Variants in PIK3R3 observed in about 807,000 individuals in gnomAD.
PIK3R3 encodes phosphatidylinositol 3-kinase regulatory subunit gamma.
Under a neutral mutation model 62.9 loss-of-function variants are expected in PIK3R3, and 64 were observed. That is an observed-to-expected ratio of 1.02 (90% CI 0.83 to 1.25). PIK3R3 has a LOEUF of 1.25. Among genes scored for constraint, PIK3R3 ranks in the 50% most tolerant of loss-of-function variants. PIK3R3 has a pLI of 0.00. For synonymous variants in PIK3R3, 165 were observed against 189.0 expected (o/e 0.87, Z 1.04); for missense variants, 614 against 561.6 (o/e 1.09, Z -0.94).
chr1:46,131,867 T>TA lies in PIK3R3; in HGVS notation c.85dup (p.Tyr29LeufsTer3), dbSNP rs1239267484. 1.2e-6 allele frequency: 2 copies of TA among 1,612,802 alleles called. No individual in the cohort carries two copies. The highest frequency in any genetic ancestry group is 1.7e-6 in the Non-Finnish European group (2 of 1,179,194). On this transcript the variant is annotated frameshift_variant, in exon 1 of 10. Coordinates refer to ENST00000262741, the MANE Select transcript of PIK3R3 (RefSeq NM_003629.4). LOFTEE classifies it high-confidence loss of function. ...AGTACCTGGAGGATCCATTTCAATA[T>TA]AAAATATCAGTTCTGTCGAATAGGG...
At chr1:46,128,765 G>T (rs1294881569) in intron 1 of PIK3R3, among the ~76,000 whole-genome samples, 1 of 152,190 alleles carries the variant, frequency 6.6e-6, no homozygotes, top group Non-Finnish European at 1.5e-5. Context: ...AGACAGAATG[G>T]AAAAAATTTC....
the PIK3R3 span, among the ~76,000 whole-genome samples, chr1:46,161,807 T>G: frequency 6.6e-6 from 1 of 152,296 alleles, no homozygotes; most frequent in African/African-American, 2.4e-5. Context: ...AAAGATTTTC[T>G]TCAGGCCAGG....
chr1:46,139,399 C>T, the PIK3R3 span, among the ~76,000 whole-genome samples: 20 of 152,070 alleles, frequency 1.3e-4, no homozygotes, highest in East Asian at 2.1e-3. Flanking sequence ...TCTGCCTCCC[C>T]GGTTCAAGCA....
chr1:46,040,510 T>C lies in PIK3R3; in HGVS notation c.*3163A>G, dbSNP rs1016997904. On this transcript the variant is annotated 3_prime_UTR_variant, in exon 10 of 10. Transcript: ENST00000262741. ...AGGAAACGAGGTTGTTTGCCACAAG[T>C]GGCTGGAGCTAAAGCAGGTTTGAGC... 6 of 228,602 alleles carry C rather than the reference T, an allele frequency of 2.6e-5. No homozygotes were observed. The highest frequency in any genetic ancestry group is 3.5e-5 in the Non-Finnish European group (4 of 115,242). 14.2% of individuals were successfully genotyped at this position (228,602 alleles called of 1,614,324 possible). A position where few individuals can be genotyped will look rare whatever the true frequency, so the allele number is the denominator to read the frequency against.
chr1:46,047,437 CAA>C (rs766324030), intron 7 of PIK3R3, among the ~76,000 whole-genome samples: 3 of 60,952 alleles, frequency 4.9e-5, no homozygotes. Context: ...GACTCCATCT[CAA>C]AAAAAAAAAA....
chr1:46,133,858 A>G (rs1437976804), upstream of PIK3R3, among the ~76,000 whole-genome samples: 2 of 152,066 alleles, frequency 1.3e-5, no homozygotes, highest in Admixed American at 6.5e-5. Context: ...AATTTCTAAG[A>G]TAAGTCACAG....
At chr1:46,045,757 T>C (rs1647098586) in intron 9 of PIK3R3, among the ~76,000 whole-genome samples, 161 bp downstream of exon 9, 1 of 151,706 alleles carries the variant, frequency 6.6e-6, no homozygotes, top group South Asian at 2.1e-4. Context: ...TCAGATATCA[T>C]TTCTCATAAA....
intron 8 of PIK3R3, 25 bp from the exon 9 acceptor site, chr1:46,046,113 A>T (rs1372861937): frequency 7.3e-7 from 1 of 1,363,330 alleles, no homozygotes; most frequent in Non-Finnish European, 1.0e-6. Context: ...TTAGTATATT[A>T]TTCTAACAAG....
At chr1:46,146,219 C>T in the PIK3R3 span, among the ~76,000 whole-genome samples, 1 of 152,184 alleles carries the variant, frequency 6.6e-6, no homozygotes, top group Non-Finnish European at 1.5e-5. Flanking sequence ...CCCCAAAGAT[C>T]CCAGAGTAGT....
chr1:46,089,546 T>A (rs1651410639), intron 1 of PIK3R3, among the ~76,000 whole-genome samples: 1 of 152,014 alleles, frequency 6.6e-6, no homozygotes, highest in Non-Finnish European at 1.5e-5. Flanking sequence ...AAACCCCATC[T>A]CTACTAAAAA....
chr1:46,105,549 C>T (rs72677545), intron 1 of PIK3R3, among the ~76,000 whole-genome samples: 31,032 of 151,952 alleles, frequency 0.2, 3,636 homozygotes, highest in Non-Finnish European at 0.26. Flanking sequence ...GAAACAGTGG[C>T]TCATGCCTAT....
At chr1:46,118,426 T>C (rs1481542105) in intron 1 of PIK3R3, among the ~76,000 whole-genome samples, 2 of 152,150 alleles carry the variant, frequency 1.3e-5, no homozygotes, top group Non-Finnish European at 2.9e-5. Context: ...CCAAGAATCA[T>C]AGTACATCAC....
intron 7 of PIK3R3, among the ~76,000 whole-genome samples, chr1:46,050,155 T>C (rs1647238161): frequency 6.6e-6 from 1 of 150,614 alleles, no homozygotes; most frequent in Non-Finnish European, 1.5e-5. Flanking sequence ...GAATGAAACT[T>C]GTCTTCCACC....
the PIK3R3 span, among the ~76,000 whole-genome samples, chr1:46,172,133 C>T: frequency 6.6e-6 from 1 of 152,190 alleles, no homozygotes; most frequent in Non-Finnish European, 1.5e-5. Context: ...TTGGCCTGGC[C>T]TGCTCCTCCT....
rs1349121848 is a variant in PIK3R3 at position 46,041,048 on chromosome 1, T to TG, written c.*2624dup. ...GGGGTATAATGAACCCCTCTGATCT[T>TG]GGTCTCTCTTTGCCCTCTGCCTCAT... is the stretch of plus-strand genomic sequence containing the variant. On this transcript the variant is annotated 3_prime_UTR_variant, in exon 10 of 10. Transcript: ENST00000262741. 6.2e-6 allele frequency: 1 copy of TG among 160,864 alleles called. No homozygotes were observed. Among genetic ancestry groups the TG allele is most frequent in the African/African-American group, 2.4e-5 (1 of 41,730 alleles). The allele number at this position is 160,864 out of a possible 1,614,324, so 10.0% of individuals were successfully genotyped here.
chr1:46,040,566 C>T lies in PIK3R3; in HGVS notation c.*3107G>A, dbSNP rs531573348. The stretch of plus-strand genomic sequence containing the variant: ...GCAGCAGAGGGCCCAAGCAGGCCCC[C>T]TATCTGGACCCTCTGGTTTCTGAGG... On this transcript the variant is annotated 3_prime_UTR_variant, in exon 10 of 10. Coordinates refer to ENST00000262741, the MANE Select transcript of PIK3R3 (RefSeq NM_003629.4). The T allele has an allele frequency of 7.0e-4, 158 of 226,268 alleles. No homozygotes were observed. The highest frequency in any genetic ancestry group is 3.3e-3 in the African/African-American group (147 of 45,048). 14.0% of individuals were successfully genotyped at this position (226,268 alleles called of 1,614,324 possible).
chr1:46,053,630 C>G (rs1364529326), intron 7 of PIK3R3, among the ~76,000 whole-genome samples: 1 of 152,144 alleles, frequency 6.6e-6, no homozygotes. Flanking sequence ...ATCCTCACCC[C>G]TCACCAGACA....
chr1:46,071,095 G>T (rs1401272761), intron 3 of PIK3R3, among the ~76,000 whole-genome samples: 2 of 151,628 alleles, frequency 1.3e-5, no homozygotes, highest in African/African-American at 4.9e-5. Context: ...CTTTATCCCA[G>T]GCCCTCCTTC....
chr1:46,127,639 C>A (rs988122393), intron 1 of PIK3R3, among the ~76,000 whole-genome samples: 1 of 152,108 alleles, frequency 6.6e-6, no homozygotes, highest in Admixed American at 6.6e-5. Context: ...ACAGAATAAT[C>A]CCAATTCCCG....
Sources: allele counts gnomAD v4.1 joint callset (sites outside exome capture counted in the v4.1 genomes callset), GRCh38; gene constraint gnomAD v4.1.1; transcripts MANE v1.5; gene names NCBI Gene and HGNC (gene_info 2026-07-23, HGNC 2026-07-21).